Variants in RIPK2 observed in about 807,000 individuals in gnomAD.
RIPK2 encodes the protein receptor-interacting serine/threonine-protein kinase 2.
RIPK2 carries 38 observed loss-of-function variants against 60.9 expected under a neutral mutation model. The observed-to-expected ratio is 0.62, with a 90% CI of 0.48 to 0.82. RIPK2 has a LOEUF of 0.82. RIPK2 is among the 40% of genes least tolerant of loss of function. The probability of loss-of-function intolerance (pLI) is 0.00; values close to 1 mark genes in which losing one functional copy is unlikely to be tolerated. For missense variants in RIPK2, 518 were observed against 647.0 expected, an observed-to-expected ratio of 0.80 and a Z score of 2.16; for synonymous variants, 225 against 223.4, an observed-to-expected ratio of 1.01 and a Z score of -0.06.
Position 89,790,496 on chromosome 8 carries a change from C to A in RIPK2, c.*80C>A. The A allele has an allele frequency of 9.9e-7, 1 of 1,010,852 alleles. No individual in the cohort carries two copies. Among genetic ancestry groups the A allele is most frequent in the Non-Finnish European group, 1.4e-6 (1 of 703,176 alleles). 62.6% of individuals were successfully genotyped at this position (1,010,852 alleles called of 1,614,324 possible). On this transcript the variant is annotated 3_prime_UTR_variant, in exon 11 of 11. Coordinates refer to ENST00000220751, the MANE Select transcript of RIPK2 (RefSeq NM_003821.6). ...TGCTTTGACTTTTTTTATATAAAAT[C>A]CGTGAGTATTAAAGCTTTATTGAAG...
At position 89,772,791 on chromosome 8, in the gene RIPK2, A is replaced by C. The variant is rs185951821; in HGVS notation, c.816A>C (p.Gly272=). The part of the protein sequence containing the change: ...RARMISLIES[G]WAQNPDERPS... ...GTATGATCTCTCTAATAGAAAGTGG[A>C]TGGGCACAAAATCCAGATGAAAGAC... The change falls in exon 6 of 11, where the codon GGA becomes GGC. Residue 272 remains glycine (G), a synonymous_variant. Coordinates refer to ENST00000220751, the MANE Select transcript of RIPK2 (RefSeq NM_003821.6). The C allele has an allele frequency of 1.4e-4, 222 of 1,608,946 alleles. 3 individuals are homozygous for C. In the Admixed American group the frequency reaches 3.7e-3, roughly 27 times the overall value.
In RIPK2 at chr8:89,763,778, A is replaced by G. The variant is rs1437951275; in HGVS notation, c.327+796A>G. 3.9e-5 allele frequency among the ~76,000 whole-genome samples: 6 copies of G among 152,194 alleles called. No homozygotes were observed. The South Asian group carries it at 1.0e-3, about 26-fold the overall frequency. On this transcript the variant is annotated intron_variant, in intron 2 of 10. Coordinates refer to ENST00000220751, the MANE Select transcript of RIPK2 (RefSeq NM_003821.6). ...AGTAACTTCCTCTCAGTTTCAGAAT[A>G]CATCACATTCTATTCATGACTTGTG...
In RIPK2 at chr8:89,789,380, G is replaced by C. The variant is rs1231896851; in HGVS notation, c.1183G>C (p.Asp395His). The C allele has an allele frequency of 1.2e-6, 2 of 1,614,042 alleles. No individual in the cohort carries two copies. The highest frequency in any genetic ancestry group is 3.3e-5 in the Admixed American group (2 of 60,020). Residue 395 changes from aspartate to histidine, a missense_variant, in exon 10 of 11, where the codon GAT becomes CAT. Asp to His is a moderately conservative substitution (Grantham distance 81). Around this residue, in one of 3 missense-constraint regions of RIPK2, gnomAD observed 448 missense variants for 534.7 expected, o/e 0.84. Transcript: ENST00000220751. ...LHHCPGNHSW[D>H]STISGSQRAA... The stretch of plus-strand genomic sequence containing the variant: ...TCACTGTCCTGGAAATCACAGTTGG[G>C]ATAGCACCATTTCTGGATCTCAAAG...
At chr8:89,771,647 G>C in intron 4 of RIPK2, 94 bp from the exon 5 acceptor site, 1 of 740,266 alleles carries the variant, frequency 1.4e-6, no homozygotes, top group Non-Finnish European at 2.2e-6. Flanking sequence ...TTGAAAAATG[G>C]TATCTTCAGT....
chr8:89,764,772 T>C (rs1809199224), intron 2 of RIPK2, among the ~76,000 whole-genome samples: 1 of 152,100 alleles, frequency 6.6e-6, no homozygotes, highest in Non-Finnish European at 1.5e-5. Context: ...TGCAGATAAA[T>C]TAATTATATG....
At position 89,789,428 on chromosome 8, in the gene RIPK2, A is replaced by T. The variant is rs148803672; in HGVS notation, c.1231A>T (p.Thr411Ser). The stretch of plus-strand genomic sequence containing the variant: ...AAGGGCTGCATTCTGTGATCACAAG[A>T]CCACTCCATGCTCTTCAGCAATAAT... ...SQRAAFCDHK[T>S]TPCSSAIINP... The change falls in exon 10 of 11, where the codon ACC (threonine) becomes TCC (serine). Residue 411 changes from threonine (T) to serine (S), a missense_variant. Physicochemically the swap from Thr to Ser is moderately conservative, Grantham distance 58. Coordinates refer to ENST00000220751, the MANE Select transcript of RIPK2 (RefSeq NM_003821.6). 119 of 1,613,992 alleles carry T rather than the reference A, an allele frequency of 7.4e-5. No individual in the cohort carries two copies. In the African/African-American group the frequency reaches 1.3e-3, roughly 18 times the overall value.
At chr8:89,772,111 A>G (rs1046829425) in intron 5 of RIPK2, among the ~76,000 whole-genome samples, 1 of 152,038 alleles carries the variant, frequency 6.6e-6, no homozygotes, top group African/African-American at 2.4e-5. Flanking sequence ...CCTGCATAAT[A>G]AGAATTTTAA....
intron 6 of RIPK2, among the ~76,000 whole-genome samples, chr8:89,777,128 T>G (rs557085401): frequency 6.6e-6 from 1 of 152,122 alleles, no homozygotes. Flanking sequence ...GTACACAGAG[T>G]GAGAACCCCA....
rs749649682 is a variant in RIPK2 at position 89,772,711 on chromosome 8, C to T, written c.736C>T (p.His246Tyr). The T allele has an allele frequency of 6.2e-7, 1 of 1,611,246 alleles. No individual in the cohort carries two copies. Among genetic ancestry groups the T allele is most frequent in the African/African-American group, 1.3e-5 (1 of 74,752 alleles). ...GATAATGTATAGTGTGTCACAAGGA[C>T]ATCGACCTGTTATTAATGAAGAAAG... Reference protein sequence around the residue: ...LQIMYSVSQGHRPVINEESLP... With the variant: ...LQIMYSVSQGYRPVINEESLP... Residue 246 changes from histidine to tyrosine, a missense_variant, in exon 6 of 11, where the codon CAT (histidine) becomes TAT (tyrosine). Around this residue, in one of 3 missense-constraint regions of RIPK2, gnomAD observed 448 missense variants for 534.7 expected, o/e 0.84. Coordinates refer to ENST00000220751, the MANE Select transcript of RIPK2 (RefSeq NM_003821.6).
intron 8 of RIPK2, 119 bp from the exon 9 acceptor site, chr8:89,786,474 A>C (rs1056419974): frequency 6.4e-5 from 25 of 389,756 alleles, no homozygotes; most frequent in Non-Finnish European, 4.0e-5. Context: ...ACCCTGTCTG[A>C]AAAAAAAAAA....
chr8:89,790,020 A>T, intron 10 of RIPK2, 59 bp from the exon 11 acceptor site: 2 of 1,187,350 alleles, frequency 1.7e-6, no homozygotes, highest in Non-Finnish European at 1.2e-6. Flanking sequence ...ATGGAATTTT[A>T]CTTATTGCTA....
At chr8:89,781,403 G>A (rs996100970) in intron 7 of RIPK2, among the ~76,000 whole-genome samples, 2 of 141,198 alleles carry the variant, frequency 1.4e-5, no homozygotes, top group Admixed American at 7.5e-5. Flanking sequence ...GTCTCCCTCT[G>A]TCGCCCAGGC....
At chr8:89,784,716 C>T (rs756623552) in intron 8 of RIPK2, among the ~76,000 whole-genome samples, 5 of 152,216 alleles carry the variant, frequency 3.3e-5, no homozygotes, top group Admixed American at 6.5e-5. Context: ...GTGGAAAATT[C>T]CACACCTGTG....
At chr8:89,761,382 T>A (rs1809142511) in intron 1 of RIPK2, among the ~76,000 whole-genome samples, 1 of 152,172 alleles carries the variant, frequency 6.6e-6, no homozygotes, top group African/African-American at 2.4e-5. Context: ...TTTCATTTTT[T>A]TTTTAACCCC....
intron 6 of RIPK2, among the ~76,000 whole-genome samples, chr8:89,779,747 A>G (rs2130574474): frequency 6.6e-6 from 1 of 152,212 alleles, no homozygotes; most frequent in East Asian, 1.9e-4. Flanking sequence ...GTTAGTTTTT[A>G]TGTGTAGTGT....
Position 89,772,669 on chromosome 8 carries a change from G to A in RIPK2, c.694G>A (p.Val232Ile). 1 of 1,592,988 alleles carries A rather than the reference G, an allele frequency of 6.3e-7. No homozygotes were observed. Among genetic ancestry groups the A allele is most frequent in the Non-Finnish European group, 8.6e-7 (1 of 1,169,188 alleles). The change falls in exon 6 of 11, where the codon GTC becomes ATC. Residue 232 changes from valine to isoleucine, a missense_variant and splice_region_variant. Val to Ile is a conservative substitution (Grantham distance 29). Around this residue, in one of 3 missense-constraint regions of RIPK2, gnomAD observed 448 missense variants for 534.7 expected, o/e 0.84. Coordinates refer to ENST00000220751, the MANE Select transcript of RIPK2 (RefSeq NM_003821.6). ...VLSRKQPFEDVTNPLQIMYSV... is the reference protein window; with the variant it reads ...VLSRKQPFEDITNPLQIMYSV... ...ATGCAATCTATTTGTTTTGACAGATGTCACCAATCCTTTGCAGATAATGTA... is the reference window on the plus strand; with the variant it reads ...ATGCAATCTATTTGTTTTGACAGATATCACCAATCCTTTGCAGATAATGTA...
intron 9 of RIPK2, among the ~76,000 whole-genome samples, chr8:89,787,437 T>G (rs1809605518): frequency 6.6e-6 from 1 of 152,138 alleles, no homozygotes; most frequent in Admixed American, 6.5e-5. Flanking sequence ...CTAAGACTTT[T>G]GATAAATATT....
chr8:89,786,673 T>C lies in RIPK2; in HGVS notation c.1110T>C (p.Asn370=). The change falls in exon 9 of 11, where the codon AAT becomes AAC. Residue 370 remains asparagine, a synonymous_variant. Coordinates refer to ENST00000220751, the MANE Select transcript of RIPK2 (RefSeq NM_003821.6). ...TSRSLPAPQD[N]DFLSRKAQDC... is the part of the protein sequence containing the mutation. The stretch of plus-strand genomic sequence containing the variant: ...GGTCCCTGCCAGCTCCTCAAGACAA[T>C]GATTTTTTATCTAGTATGTAGATTT... 1 of 1,557,862 alleles carries C rather than the reference T, an allele frequency of 6.4e-7. No homozygotes were observed. The highest frequency in any genetic ancestry group is 8.8e-7 in the Non-Finnish European group (1 of 1,138,296).
intron 3 of RIPK2, among the ~76,000 whole-genome samples, chr8:89,767,667 A>C (rs1809250708): frequency 6.6e-6 from 1 of 151,744 alleles, no homozygotes; most frequent in African/African-American, 2.4e-5. Context: ...GAGTCTTAAC[A>C]TCCTTAATTG....
Sources: allele counts gnomAD v4.1 joint callset (sites outside exome capture counted in the v4.1 genomes callset), GRCh38; gene constraint gnomAD v4.1.1; regional missense constraint gnomAD v4.1.1; transcripts MANE v1.5; gene names NCBI Gene and HGNC (gene_info 2026-07-23, HGNC 2026-07-21).